The following MOK variants were observed in gnomAD, a reference collection of about 807,000 sequenced individuals.
MOK encodes MOK protein kinase.
Under a neutral mutation model 54.2 loss-of-function variants are expected in MOK, and 59 were observed. The ratio of observed to expected loss-of-function variants is 1.09; its 90% CI spans 0.88 to 1.35. The LOEUF is 1.35. Ranked by LOEUF, MOK falls within the 40% of genes most tolerant of loss-of-function variation. The pLI is 0.00. For synonymous variants in MOK, 210 were observed against 202.7 expected (o/e 1.04, Z -0.31); for missense variants, 517 against 526.2 (o/e 0.98, Z 0.17).
chr14:102,251,577 G>A, intron 6 of MOK, 179 bp downstream of exon 6: 1 of 674,716 alleles, frequency 1.5e-6, no homozygotes, highest in South Asian at 1.5e-5. Flanking sequence ...CAGTTATGTT[G>A]ATGGCATTTA....
chr14:102,259,531 A>T (rs2067221825), intron 4 of MOK, among the ~76,000 whole-genome samples: 1 of 152,198 alleles, frequency 6.6e-6, no homozygotes, highest in Non-Finnish European at 1.5e-5. Context: ...TTATTACTTA[A>T]TCCTTCAAGA....
chr14:102,251,402 G>T, intron 6 of MOK: 1 of 408,734 alleles, frequency 2.4e-6, no homozygotes, highest in East Asian at 6.2e-5. Context: ...AAATTGTACG[G>T]TTTAAACACA....
chr14:102,226,270 T>A, downstream of MOK: 1 of 690,400 alleles, frequency 1.4e-6, no homozygotes, highest in Non-Finnish European at 2.6e-6. This position sits in a 1 kb window ranked among gnomAD's most constrained non-coding sequence, Gnocchi z 4.8. Flanking sequence ...GTGAGGTGGG[T>A]GGATGAGGGT....
intron 2 of MOK, among the ~76,000 whole-genome samples, chr14:102,281,895 C>G (rs1187169839): frequency 1.3e-5 from 2 of 152,202 alleles, no homozygotes; most frequent in African/African-American, 4.8e-5. Flanking sequence ...AGAGAAGGAG[C>G]AGAACACCTG....
At chr14:102,275,563 CA>C (rs35983579) in intron 2 of MOK, among the ~76,000 whole-genome samples, 183 of 71,508 alleles carry the variant, frequency 2.6e-3, no homozygotes, top group East Asian at 5.4e-3. Flanking sequence ...GACTCCATCT[CA>C]AAAAAAAAAA....
At chr14:102,253,684 G>A (rs531355211) in intron 4 of MOK, among the ~76,000 whole-genome samples, 36 of 152,332 alleles carry the variant, frequency 2.4e-4, no homozygotes, top group South Asian at 1.0e-3. Flanking sequence ...GCTTGAAGAC[G>A]TCATACCACA....
At chr14:102,284,760 T>TA (rs1173267789) in intron 1 of MOK, among the ~76,000 whole-genome samples, 1 of 152,126 alleles carries the variant, frequency 6.6e-6, no homozygotes, top group Non-Finnish European at 1.5e-5. Context: ...CCCAGAGGCA[T>TA]ATGAGCGAGG....
intron 2 of MOK, among the ~76,000 whole-genome samples, chr14:102,281,993 A>G (rs1430358764): frequency 6.6e-6 from 1 of 152,228 alleles, no homozygotes; most frequent in Non-Finnish European, 1.5e-5. Flanking sequence ...ATCTGGGTTC[A>G]CATCTGGCTC....
chr14:102,239,889 C>CA (rs201282389), intron 7 of MOK, among the ~76,000 whole-genome samples: 1,704 of 150,932 alleles, frequency 0.011, 45 homozygotes, highest in African/African-American at 0.039. Flanking sequence ...AAAAATCAAA[C>CA]AAAAAAAAAC....
intron 2 of MOK, among the ~76,000 whole-genome samples, chr14:102,268,596 T>C (rs745406843): frequency 2.6e-5 from 4 of 152,052 alleles, no homozygotes; most frequent in Non-Finnish European, 2.9e-5. Flanking sequence ...CAAATTATGA[T>C]CACCAGGACT....
intron 4 of MOK, among the ~76,000 whole-genome samples, 163 bp from the exon 5 acceptor site, chr14:102,252,158 C>T (rs2066583211): frequency 6.6e-6 from 1 of 152,154 alleles, no homozygotes; most frequent in South Asian, 2.1e-4. Flanking sequence ...GCCTACAAAA[C>T]ATACCATTTA....
In MOK at chr14:102,250,919, G is replaced by C. The variant is rs895422803; in HGVS notation, c.483C>G (p.Tyr161Ter). The C allele has an allele frequency of 1.9e-6, 3 of 1,614,134 alleles. No homozygotes were observed. The highest frequency in any genetic ancestry group is 2.5e-6 in the Non-Finnish European group (3 of 1,180,024). ...GGGCCCGGTACCAGCGGGTGGAGAT[G>C]TATTCCGTGTACGGCTGCTTGGAAT... Reference protein sequence around the residue: ...SVYSKQPYTEYISTRWYRAPE... With the variant: ...SVYSKQPYTE The change falls in exon 7 of 12, where the codon TAC becomes TAG. Residue 161 changes from tyrosine (Y) to a stop codon, truncating the protein, a stop_gained. Transcript: ENST00000361847. LOFTEE classifies it high-confidence loss of function.
chr14:102,222,563 C>T (rs1011621536), downstream of MOK, among the ~76,000 whole-genome samples: 1 of 152,182 alleles, frequency 6.6e-6, no homozygotes, highest in African/African-American at 2.4e-5. The surrounding 1 kb of genome is among the most constrained non-coding windows in gnomAD (Gnocchi z 4.4). Flanking sequence ...CACTGTCTCC[C>T]CCAAGGGCAA....
At chr14:102,283,704 G>C in intron 1 of MOK, 112 bp from the exon 2 acceptor site, 2 of 615,100 alleles carry the variant, frequency 3.3e-6, no homozygotes, top group South Asian at 2.4e-5. Flanking sequence ...AATATACTGA[G>C]AATTGTTTCT....
intron 1 of MOK, among the ~76,000 whole-genome samples, chr14:102,289,786 C>T (rs930660437): frequency 6.6e-6 from 1 of 152,078 alleles, no homozygotes; most frequent in Non-Finnish European, 1.5e-5. Flanking sequence ...GGATTATAGG[C>T]GTGAGCCACT....
At chr14:102,287,254 A>C (rs1211698544) in intron 1 of MOK, among the ~76,000 whole-genome samples, 1 of 152,158 alleles carries the variant, frequency 6.6e-6, no homozygotes, top group African/African-American at 2.4e-5. Context: ...AGATTACCTG[A>C]GGTCAGGAGT....
At chr14:102,218,517 C>T in the MOK span, among the ~76,000 whole-genome samples, 1 of 152,248 alleles carries the variant, frequency 6.6e-6, no homozygotes, top group Non-Finnish European at 1.5e-5. Context: ...AGGAACATGG[C>T]CTTGCTGCTT....
Position 102,232,489 on chromosome 14 carries a change from T to C in MOK, c.866+46A>G, listed in dbSNP as rs778675269. ...CCCACCATGTGCCCATGGGTCTCAT[T>C]TGCCAGGTCCTGCATCTGCCCCACC... is the stretch of plus-strand genomic sequence containing the variant. On this transcript the variant is annotated intron_variant, in intron 9 of 11. Coordinates refer to ENST00000361847, the MANE Select transcript of MOK (RefSeq NM_014226.3). This position sits in a 1 kb window ranked among gnomAD's most constrained non-coding sequence, Gnocchi z 5.1. The C allele has an allele frequency of 1.9e-6, 3 of 1,577,418 alleles. No homozygotes were observed. The highest frequency in any genetic ancestry group is 1.7e-6 in the Non-Finnish European group (2 of 1,157,582).
Position 102,232,906 on chromosome 14 carries a change from C to T in MOK, c.693-198G>A. On this transcript the variant is annotated intron_variant, in intron 8 of 11. Transcript: ENST00000361847. This position sits in a 1 kb window ranked among gnomAD's most constrained non-coding sequence, Gnocchi z 5.1. Reference sequence around the variant, plus strand: ...TGGGCTCTGTGTAGTAATGAGATATCCACGGTTCATCGACCATAATAAACA... The same window carrying T: ...TGGGCTCTGTGTAGTAATGAGATATTCACGGTTCATCGACCATAATAAACA... 11 of 462,892 alleles carry T rather than the reference C, an allele frequency of 2.4e-5. No individual in the cohort carries two copies. Among genetic ancestry groups the T allele is most frequent in the East Asian group, 3.4e-5 (1 of 29,164 alleles). 28.7% of individuals were successfully genotyped at this position (462,892 alleles called of 1,614,324 possible).
Sources: gnomAD v4.1 joint callset for allele counts (sites outside exome capture counted in the v4.1 genomes callset) on GRCh38, gnomAD v4.1.1 for gene constraint, Gnocchi (gnomAD v3.1) non-coding constraint, MANE v1.5 for transcripts, NCBI Gene and HGNC (gene_info 2026-07-23, HGNC 2026-07-21) for gene names.